The following LRBA variants were observed in gnomAD, a reference collection of about 807,000 sequenced individuals.
The protein encoded by LRBA is lipopolysaccharide-responsive and beige-like anchor protein.
LRBA carries 176 observed loss-of-function variants against 330.0 expected under a neutral mutation model. That is an observed-to-expected ratio of 0.53 (90% confidence interval 0.47 to 0.60). LRBA has a LOEUF of 0.60. Among genes scored for constraint, LRBA ranks in the 20% least tolerant of loss-of-function variants. The pLI, the probability that LRBA is intolerant of heterozygous loss-of-function variation, is 0.00. For synonymous variants in LRBA, 1,230 were observed against 1,193.0 expected (o/e 1.03, Z -0.64); for missense variants, 3,259 against 3,444.8 (o/e 0.95, Z 1.35).
chr4:151,003,045 C>CGTGTGTGTGTGTGT (rs35823392), intron 2 of LRBA, among the ~76,000 whole-genome samples: 1 of 147,218 alleles, frequency 6.8e-6, no homozygotes, highest in African/African-American at 2.5e-5. Flanking sequence ...TATGTGTTTG[C>CGTGTGTGTGTGTGT]GTGTGTGTGT....
Position 150,848,931 on chromosome 4 carries a change from C to T in LRBA, c.4226G>A (p.Arg1409Lys), listed in dbSNP as rs1284493439. Residue 1409 changes from arginine (R) to lysine (K), a missense_variant, in exon 26 of 57, where the codon AGG becomes AAG. Transcript: ENST00000651943. The stretch of plus-strand genomic sequence containing the variant: ...AAGCACATCCACAAGGCTAATTAGC[C>T]TCTGCAAAAATGTCACAGAGGCTTC... ...SIEASVTFLQ[R>K]LISLVDVLIF... 7 of 1,612,256 alleles carry T rather than the reference C, an allele frequency of 4.3e-6. No individual in the cohort carries two copies. The African/African-American group carries it at 5.3e-5, about 12-fold the overall frequency.
chr4:150,948,994 A>T (rs1311663604), intron 2 of LRBA, among the ~76,000 whole-genome samples: 1 of 151,994 alleles, frequency 6.6e-6, no homozygotes, highest in East Asian at 1.9e-4. Flanking sequence ...GTGGGAATGT[A>T]AAATGACACA....
intron 37 of LRBA, among the ~76,000 whole-genome samples, chr4:150,626,483 T>C (rs1776874233): frequency 6.6e-6 from 1 of 152,188 alleles, no homozygotes; most frequent in East Asian, 1.9e-4. Context: ...CTGAAAAATA[T>C]GAAGTCATCT....
chr4:150,590,794 T>C lies in LRBA; in HGVS notation c.6112A>G (p.Asn2038Asp). The change falls in exon 39 of 57, where the codon AAC becomes GAC. Residue 2038 changes from asparagine (N) to aspartate (D), a missense_variant. Asn to Asp is a conservative substitution (Grantham distance 23). Transcript: ENST00000651943. Reference protein sequence around the residue: ...SIRSQALGNQNSENEILLEGD... With the variant: ...SIRSQALGNQDSENEILLEGD... Reference sequence around the variant, plus strand: ...TCCAGGAGGATCTCGTTTTCTGAGTTCTGATTTCCTAAAGCCTGACTCCTG... The same window carrying C: ...TCCAGGAGGATCTCGTTTTCTGAGTCCTGATTTCCTAAAGCCTGACTCCTG... 1 of 1,613,646 alleles carries C rather than the reference T, an allele frequency of 6.2e-7. No individual in the cohort carries two copies. Among genetic ancestry groups the C allele is most frequent in the Non-Finnish European group, 8.5e-7 (1 of 1,179,532 alleles).
chr4:150,335,988 G>A (rs541472308), intron 48 of LRBA, among the ~76,000 whole-genome samples: 15 of 152,332 alleles, frequency 9.8e-5, no homozygotes, highest in African/African-American at 3.4e-4. Flanking sequence ...AAGCCACCAC[G>A]CCTGGCGAAG....
chr4:150,907,692 A>G (rs946608608), intron 11 of LRBA, among the ~76,000 whole-genome samples: 8 of 152,266 alleles, frequency 5.3e-5, no homozygotes, highest in African/African-American at 1.9e-4. Context: ...AAATGAAACA[A>G]TAATTTCACT....
Position 150,982,170 on chromosome 4 carries a change from C to T in LRBA, c.216+32257G>A, listed in dbSNP as rs193132151. On this transcript the variant is annotated intron_variant, in intron 2 of 56. Coordinates refer to ENST00000651943, the MANE Select transcript of LRBA (RefSeq NM_001364905.1). ...CACCATACACACTAGATTAAGGCTA[C>T]TTAGAGATGAGAGACAGTAGTATGA... Among the ~76,000 whole-genome samples, 623 of 152,108 alleles carry T rather than the reference C, an allele frequency of 4.1e-3. 6 individuals are homozygous for T. Among genetic ancestry groups the T allele is most frequent in the African/African-American group, 0.014 (595 of 41,484 alleles).
At chr4:150,328,709 A>T (rs1314641446) in intron 48 of LRBA, among the ~76,000 whole-genome samples, 1 of 151,334 alleles carries the variant, frequency 6.6e-6, no homozygotes, top group Non-Finnish European at 1.5e-5. Context: ...GGTACAAATG[A>T]GGAAGTAATG....
chr4:150,824,853 T>C (rs1021305928), intron 30 of LRBA, among the ~76,000 whole-genome samples: 1 of 151,918 alleles, frequency 6.6e-6, no homozygotes, highest in South Asian at 2.1e-4. Flanking sequence ...CAGCTCACTG[T>C]AGTGTCAAAC....
chr4:150,554,748 T>C (rs1027194309), intron 40 of LRBA, among the ~76,000 whole-genome samples: 1 of 152,112 alleles, frequency 6.6e-6, no homozygotes, highest in Admixed American at 6.5e-5. Context: ...TCTTAAATTC[T>C]TCAACAAAAC....
At chr4:150,349,819 C>T (rs1329407607) in intron 48 of LRBA, among the ~76,000 whole-genome samples, 173 bp downstream of exon 48, 1 of 152,100 alleles carries the variant, frequency 6.6e-6, no homozygotes, top group Non-Finnish European at 1.5e-5. Context: ...TTGGAAGGAA[C>T]CTCTGGGTTC....
At position 150,415,465 on chromosome 4, in the gene LRBA, T is replaced by A. The variant is rs1456691130; in HGVS notation, c.7167A>T (p.Ser2389=). Residue 2389 remains serine (S), a synonymous_variant, in exon 47 of 57, where the codon TCA becomes TCT. Coordinates refer to ENST00000651943, the MANE Select transcript of LRBA (RefSeq NM_001364905.1). The part of the protein sequence containing the change: ...DVELPPWAKT[S]EEFVHINRLA... ...ATCTGTTTATGTGAACAAATTCTTC[T>A]GAGGTTTTGGCCCAAGGAGGAAGTT... 1 of 1,613,624 alleles carries A rather than the reference T, an allele frequency of 6.2e-7. No individual in the cohort carries two copies. Among genetic ancestry groups the A allele is most frequent in the South Asian group, 1.1e-5 (1 of 91,018 alleles).
At chr4:150,304,192 T>C (rs1049737432) in intron 52 of LRBA, among the ~76,000 whole-genome samples, 1 of 152,184 alleles carries the variant, frequency 6.6e-6, no homozygotes, top group Non-Finnish European at 1.5e-5. Flanking sequence ...GTTTAACCCG[T>C]AATACATTGT....
chr4:150,370,330 A>C (rs1362754977), intron 47 of LRBA, among the ~76,000 whole-genome samples: 2 of 152,240 alleles, frequency 1.3e-5, no homozygotes, highest in African/African-American at 4.8e-5. Flanking sequence ...TGGTCCATCC[A>C]TACAATGGAA....
intron 48 of LRBA, among the ~76,000 whole-genome samples, chr4:150,345,382 C>A (rs999547719): frequency 6.6e-6 from 1 of 152,154 alleles, no homozygotes; most frequent in Non-Finnish European, 1.5e-5. Context: ...ACTCAGCATG[C>A]ATCCACTAGG....
chr4:150,599,179 G>T, intron 37 of LRBA, 48 bp from the exon 38 acceptor site: 1 of 1,599,176 alleles, frequency 6.3e-7, no homozygotes. Context: ...ATCAAACAGC[G>T]TGGTAGCACT....
At chr4:150,505,690 C>T (rs1434015805) in intron 40 of LRBA, among the ~76,000 whole-genome samples, 3 of 152,136 alleles carry the variant, frequency 2.0e-5, no homozygotes, top group Admixed American at 6.5e-5. Context: ...CAAGAGCAAA[C>T]ACATTCAAAA....
intron 2 of LRBA, among the ~76,000 whole-genome samples, chr4:150,980,794 T>A (rs952424105): frequency 2.0e-5 from 3 of 152,098 alleles, no homozygotes; most frequent in Admixed American, 2.0e-4. Context: ...AGTTGTAGAA[T>A]ACAAAATCAA....
At chr4:150,722,578 C>T (rs1436225600) in intron 36 of LRBA, among the ~76,000 whole-genome samples, 1 of 151,968 alleles carries the variant, frequency 6.6e-6, no homozygotes, top group East Asian at 1.9e-4. Flanking sequence ...GACTAATATC[C>T]TCAGCCTCCA....
Sources: gnomAD v4.1 joint callset for allele counts (sites outside exome capture counted in the v4.1 genomes callset) on GRCh38, gnomAD v4.1.1 for gene constraint, MANE v1.5 for transcripts, NCBI Gene and HGNC (gene_info 2026-07-23, HGNC 2026-07-21) for gene names.